TVP23B: variants seen among roughly 807,000 people sequenced by gnomAD.
The protein encoded by TVP23B is Golgi apparatus membrane protein TVP23 homolog B.
A neutral mutation model predicts 30.6 loss-of-function variants in TVP23B; 10 were observed. The ratio of observed to expected loss-of-function variants is 0.33; its 90% CI spans 0.20 to 0.55. The LOEUF (loss-of-function observed/expected upper bound fraction) is 0.55. Among genes scored for constraint, TVP23B ranks in the 20% least tolerant of loss-of-function variants. The pLI is 0.91. For synonymous variants in TVP23B, 67 were observed against 83.1 expected (o/e 0.81, Z 1.06); for missense variants, 153 against 243.2 (o/e 0.63, Z 2.47).
At chr17:18,790,292 A>T (rs971282763) in intron 2 of TVP23B, among the ~76,000 whole-genome samples, 6 of 151,786 alleles carry the variant, frequency 4.0e-5, no homozygotes, top group African/African-American at 1.5e-4. Context: ...GTGAAACCCC[A>T]TCTCTACTAA....
At chr17:18,793,775 G>T (rs2036034625) in intron 3 of TVP23B, among the ~76,000 whole-genome samples, 1 of 151,914 alleles carries the variant, frequency 6.6e-6, no homozygotes, top group African/African-American at 2.4e-5. Flanking sequence ...GTAAGTAATA[G>T]CAAATTCATT....
chr17:18,799,381 G>T (rs1252025793), intron 5 of TVP23B, among the ~76,000 whole-genome samples: 5 of 151,710 alleles, frequency 3.3e-5, no homozygotes, highest in African/African-American at 1.2e-4. Context: ...TCTTCATGAG[G>T]TCCCATGGCC....
At chr17:18,790,875 T>G (rs1430190256) in intron 2 of TVP23B, 21 bp from the exon 3 acceptor site, 1 of 1,596,536 alleles carries the variant, frequency 6.3e-7, no homozygotes. Flanking sequence ...TGCATTTCTT[T>G]CATTGTGTTT....
chr17:18,803,348 C>T (rs2036197069), intron 5 of TVP23B, among the ~76,000 whole-genome samples: 2 of 152,150 alleles, frequency 1.3e-5, no homozygotes, highest in African/African-American at 2.4e-5. Flanking sequence ...CAACAGAGAC[C>T]GTATGGTCTG....
chr17:18,801,173 T>C (rs562536050), intron 5 of TVP23B, among the ~76,000 whole-genome samples: 2 of 152,252 alleles, frequency 1.3e-5, no homozygotes, highest in Non-Finnish European at 2.9e-5. Context: ...TCTCCTGTTA[T>C]CTCACCCTCA....
intron 1 of TVP23B, among the ~76,000 whole-genome samples, chr17:18,787,929 A>G (rs1237627954): frequency 6.6e-6 from 1 of 152,150 alleles, no homozygotes; most frequent in East Asian, 1.9e-4. Flanking sequence ...AGAGGCTGGA[A>G]TAGAGAGGGA....
intron 6 of TVP23B, chr17:18,804,712 A>G (rs377685036): frequency 2.8e-6 from 1 of 358,896 alleles, no homozygotes; most frequent in Non-Finnish European, 4.1e-6. Flanking sequence ...CCTCAGCCTT[A>G]TGAGTAGCTG....
chr17:18,795,860 ATC>A (rs1392907516), intron 3 of TVP23B: 1 of 152,012 alleles, frequency 6.6e-6, no homozygotes, highest in African/African-American at 2.4e-5. Flanking sequence ...TTTCTTATTA[ATC>A]TCTTACTGTG....
intron 2 of TVP23B, 58 bp downstream of exon 2, chr17:18,789,493 G>A: frequency 6.2e-7 from 1 of 1,609,784 alleles, no homozygotes; most frequent in Non-Finnish European, 8.5e-7. Context: ...CTGTATGTAT[G>A]TCAGTGCTAG....
chr17:18,803,125 G>T lies in TVP23B; in HGVS notation c.463-1013G>T, dbSNP rs541714873. ...GGAGAATAAATCTAGATTGGAAAAC[G>T]ACATTTCATTGAGCTGCTTTGCTTG... On this transcript the variant is annotated intron_variant, in intron 5 of 6. Transcript: ENST00000307767. 1.2e-3 allele frequency among the ~76,000 whole-genome samples: 183 copies of T among 152,124 alleles called. 1 individual carries two copies. The Middle Eastern group carries it at 0.02, about 17-fold the overall frequency.
chr17:18,801,618 G>C (rs1211771993), intron 5 of TVP23B, among the ~76,000 whole-genome samples: 1 of 151,932 alleles, frequency 6.6e-6, no homozygotes, highest in Non-Finnish European at 1.5e-5. Context: ...GCTCTTGTCT[G>C]CTGGTTGGCT....
intron 3 of TVP23B, among the ~76,000 whole-genome samples, chr17:18,791,933 C>G (rs187014394): frequency 6.6e-6 from 1 of 151,894 alleles, no homozygotes; most frequent in East Asian, 1.9e-4. Flanking sequence ...AGAAAAAAAT[C>G]AAAGGCTGAT....
intron 4 of TVP23B, among the ~76,000 whole-genome samples, chr17:18,798,147 G>C (rs1378095534): frequency 2.6e-3 from 391 of 149,792 alleles, no homozygotes; most frequent in African/African-American, 9.1e-3. Flanking sequence ...TGGGGATCCT[G>C]GTCTGTTTTG....
rs552928143 is a variant in TVP23B at position 18,788,562 on chromosome 17, A to C, written c.13-791A>C. On this transcript the variant is annotated intron_variant, in intron 1 of 6. Coordinates refer to ENST00000307767, the MANE Select transcript of TVP23B (RefSeq NM_016078.6). ...TTTGGGAGGCTGAGGCGGACAGATC[A>C]CCTGAGGTCAGGAGTTCAAGACCAG... is the stretch of plus-strand genomic sequence containing the variant. Among the ~76,000 whole-genome samples the C allele has an allele frequency of 9.2e-5, 14 of 152,150 alleles. No homozygotes were observed. In the South Asian group the frequency reaches 2.9e-3, roughly 32 times the overall value.
rs1162638033 is a variant in TVP23B at position 18,805,951 on chromosome 17, G to A, written c.*384G>A. The A allele has an allele frequency of 1.0e-6, 1 of 987,606 alleles. No individual in the cohort carries two copies. Among genetic ancestry groups the A allele is most frequent in the African/African-American group, 1.7e-5 (1 of 57,902 alleles). The allele number at this position is 987,606 out of a possible 1,614,324, so 61.2% of individuals were successfully genotyped here. A position where few individuals can be genotyped will look rare whatever the true frequency, so the allele number is the denominator to read the frequency against. On this transcript the variant is annotated 3_prime_UTR_variant, in exon 7 of 7. Coordinates refer to ENST00000307767, the MANE Select transcript of TVP23B (RefSeq NM_016078.6). ...GAGGATGTTCTTAGTCTGTCTCAAA[G>A]CTCTATATGTTTACATATTATTTCT...
intron 5 of TVP23B, among the ~76,000 whole-genome samples, chr17:18,799,796 G>C (rs938826835): frequency 6.6e-6 from 1 of 151,846 alleles, no homozygotes; most frequent in African/African-American, 2.4e-5. Flanking sequence ...ATTGATATCA[G>C]ATATATTTTG....
At chr17:18,801,117 T>C (rs1489940991) in intron 5 of TVP23B, among the ~76,000 whole-genome samples, 4 of 152,238 alleles carry the variant, frequency 2.6e-5, no homozygotes, top group Non-Finnish European at 5.9e-5. Flanking sequence ...AGTGCTCAGC[T>C]AAGGCTTCTC....
chr17:18,804,109 A>G (rs748405743), intron 5 of TVP23B, 29 bp from the exon 6 acceptor site: 13 of 1,611,944 alleles, frequency 8.1e-6, no homozygotes, highest in Non-Finnish European at 1.1e-5. Flanking sequence ...CAGGCCAGTA[A>G]CCATTGATTA....
chr17:18,785,683 G>A (rs1449499063), intron 1 of TVP23B, among the ~76,000 whole-genome samples: 1 of 152,064 alleles, frequency 6.6e-6, no homozygotes, highest in African/African-American at 2.4e-5. Flanking sequence ...AGACTAGCCT[G>A]GGCAACATAG....
Sources: allele counts gnomAD v4.1 joint callset (sites outside exome capture counted in the v4.1 genomes callset), GRCh38; gene constraint gnomAD v4.1.1; transcripts MANE v1.5; gene names NCBI Gene and HGNC (gene_info 2026-07-23, HGNC 2026-07-21).